The following PSME3IP1 variants were observed in gnomAD, a reference collection of about 807,000 sequenced individuals.
PSME3IP1 encodes the protein proteasome activator subunit 3 interacting protein 1, also known as PSME3-interacting protein.
Under a neutral mutation model 34.1 loss-of-function variants are expected in PSME3IP1, and 13 were observed. That is an observed-to-expected ratio of 0.38 (90% CI 0.25 to 0.61). The LOEUF is 0.61. Among genes scored for constraint, PSME3IP1 ranks in the 20% least tolerant of loss-of-function variants. The probability of loss-of-function intolerance (pLI) is 0.60; values close to 1 mark genes in which losing one functional copy is unlikely to be tolerated. For synonymous variants in PSME3IP1, 93 were observed against 114.3 expected (o/e 0.81, Z 1.19); for missense variants, 237 against 301.4 (o/e 0.79, Z 1.58).
intron 1 of PSME3IP1, chr16:57,174,813 G>T: frequency 4.5e-6 from 2 of 448,060 alleles, no homozygotes; most frequent in Non-Finnish European, 5.9e-6. Context: ...TATCTCTTCT[G>T]ACCTTCCTCC....
At chr16:57,174,653 A>T in intron 1 of PSME3IP1, 1 of 985,480 alleles carries the variant, frequency 1.0e-6, no homozygotes, top group African/African-American at 1.7e-5. Flanking sequence ...AAGATGGAGA[A>T]TCTCAGCTAT....
intron 3 of PSME3IP1, 36 bp downstream of exon 3, chr16:57,172,740 C>G: frequency 6.8e-7 from 1 of 1,474,142 alleles, no homozygotes; most frequent in East Asian, 2.3e-5. Flanking sequence ...AAGTACCCCA[C>G]AGAGCCCCTT....
intron 1 of PSME3IP1, among the ~76,000 whole-genome samples, chr16:57,185,186 G>A (rs1288238797): frequency 6.6e-5 from 10 of 152,188 alleles, no homozygotes; most frequent in African/African-American, 2.4e-4. Context: ...AGGGCCCCAG[G>A]AGATCTTGTT....
At chr16:57,181,372 GAT>G (rs1304994461) in intron 1 of PSME3IP1, among the ~76,000 whole-genome samples, 1 of 151,652 alleles carries the variant, frequency 6.6e-6, no homozygotes, top group Non-Finnish European at 1.5e-5. Context: ...CTTGCCTGAG[GAT>G]ATAGAGAAAA....
In PSME3IP1 at chr16:57,154,241, C is replaced by T. The variant is rs761655259; in HGVS notation, c.*49G>A. 9.1e-6 allele frequency: 14 copies of T among 1,546,226 alleles called. No individual in the cohort carries two copies. The East Asian group carries it at 1.3e-4, about 15-fold the overall frequency. ...ACATAATGCCTATAGGCAGCATGAA[C>T]GGTCCGATCTACCCTTGGGGAGGAG... On this transcript the variant is annotated 3_prime_UTR_variant, in exon 7 of 7. Transcript: ENST00000309137. The surrounding 1 kb of genome is among the most constrained non-coding windows in gnomAD (Gnocchi z 4.0).
At chr16:57,159,669 T>A (rs1459029309) in intron 6 of PSME3IP1, among the ~76,000 whole-genome samples, 1 of 152,140 alleles carries the variant, frequency 6.6e-6, no homozygotes, top group Admixed American at 6.5e-5. Flanking sequence ...CTGGTTTCTG[T>A]TGCAAGAATG....
At chr16:57,179,784 T>C (rs1447701094) in intron 1 of PSME3IP1, among the ~76,000 whole-genome samples, 1 of 152,350 alleles carries the variant, frequency 6.6e-6, no homozygotes, top group Middle Eastern at 3.4e-3. Flanking sequence ...AATAGGTCAA[T>C]CCATTTCCTT....
chr16:57,159,331 TCA>T (rs1250381801), intron 6 of PSME3IP1, among the ~76,000 whole-genome samples: 11 of 152,336 alleles, frequency 7.2e-5, no homozygotes, highest in Non-Finnish European at 1.3e-4. Context: ...CCCTCTGATC[TCA>T]CCCATTTGGT....
At chr16:57,160,938 T>C (rs930455444) in intron 6 of PSME3IP1, among the ~76,000 whole-genome samples, 2 of 152,200 alleles carry the variant, frequency 1.3e-5, no homozygotes, top group Non-Finnish European at 2.9e-5. Flanking sequence ...CAGTAAAATC[T>C]AGAGCCAGAG....
At chr16:57,171,879 T>C (rs1435991238) in intron 4 of PSME3IP1, among the ~76,000 whole-genome samples, 1 of 152,204 alleles carries the variant, frequency 6.6e-6, no homozygotes, top group Admixed American at 6.5e-5. Context: ...GCTATACCAC[T>C]AGAGAACATC....
At chr16:57,161,043 A>C (rs1348401120) in intron 6 of PSME3IP1, among the ~76,000 whole-genome samples, 1 of 152,262 alleles carries the variant, frequency 6.6e-6, no homozygotes, top group Non-Finnish European at 1.5e-5. Flanking sequence ...GATTAAATTC[A>C]AATTAAAAGG....
chr16:57,180,857 C>A (rs540991530), intron 1 of PSME3IP1, among the ~76,000 whole-genome samples: 2 of 152,246 alleles, frequency 1.3e-5, no homozygotes, highest in East Asian at 3.9e-4. Flanking sequence ...GAATTTAAGA[C>A]CAGCCTGGGC....
chr16:57,159,626 C>G (rs2070987153), intron 6 of PSME3IP1, among the ~76,000 whole-genome samples: 1 of 152,100 alleles, frequency 6.6e-6, no homozygotes, highest in Non-Finnish European at 1.5e-5. Flanking sequence ...TCTTGTGGAG[C>G]CTTAATTCCT....
chr16:57,180,096 C>A lies in PSME3IP1; in HGVS notation c.-16+5725G>T, dbSNP rs2073557125. On this transcript the variant is annotated intron_variant, in intron 1 of 6. Coordinates refer to ENST00000309137, the MANE Select transcript of PSME3IP1 (RefSeq NM_024946.4). Reference sequence around the variant, plus strand: ...GCAAAGTGAAGTCAATCTTCTAACACCAAAGCTTAATTAACATATTCCGGT... The same window carrying A: ...GCAAAGTGAAGTCAATCTTCTAACAACAAAGCTTAATTAACATATTCCGGT... Among the ~76,000 whole-genome samples the A allele has an allele frequency of 2.0e-5, 3 of 152,080 alleles. No individual in the cohort carries two copies. The South Asian group carries it at 6.2e-4, about 32-fold the overall frequency.
chr16:57,161,944 G>A (rs2071299902), intron 6 of PSME3IP1, among the ~76,000 whole-genome samples: 1 of 151,990 alleles, frequency 6.6e-6, no homozygotes, highest in Non-Finnish European at 1.5e-5. Context: ...CGCTCTTGTT[G>A]CCCAGGCTGG....
chr16:57,168,285 G>C (rs1312593701), intron 4 of PSME3IP1, among the ~76,000 whole-genome samples: 1 of 152,138 alleles, frequency 6.6e-6, no homozygotes, highest in Non-Finnish European at 1.5e-5. Context: ...ACGTGTCTTT[G>C]AACAATGGAG....
At chr16:57,173,910 G>A (rs2072914019) in intron 1 of PSME3IP1, 41 bp from the exon 2 acceptor site, 1 of 1,578,020 alleles carries the variant, frequency 6.3e-7, no homozygotes, top group Non-Finnish European at 8.7e-7. Flanking sequence ...CATTTCAAGT[G>A]AGAACTGCAA....
At chr16:57,155,421 A>G (rs2070401385) in intron 6 of PSME3IP1, among the ~76,000 whole-genome samples, 1 of 152,152 alleles carries the variant, frequency 6.6e-6, no homozygotes, top group Non-Finnish European at 1.5e-5. Flanking sequence ...TCAGGAGTTT[A>G]AGACCAGCCT....
chr16:57,167,262 G>A (rs752917620), intron 4 of PSME3IP1, 36 bp from the exon 5 acceptor site: 1 of 1,613,690 alleles, frequency 6.2e-7, no homozygotes, highest in Non-Finnish European at 8.5e-7. Context: ...TAAGCAAAAG[G>A]GAAGACAACA....
Sources: gnomAD v4.1 joint callset for allele counts (sites outside exome capture counted in the v4.1 genomes callset) on GRCh38, gnomAD v4.1.1 for gene constraint, Gnocchi (gnomAD v3.1) non-coding constraint, MANE v1.5 for transcripts, NCBI Gene and HGNC (gene_info 2026-07-23, HGNC 2026-07-21) for gene names.